LUZP2: variants seen among roughly 807,000 people sequenced by gnomAD.
LUZP2 encodes the protein leucine zipper protein 2.
LUZP2 carries 52 observed loss-of-function variants against 51.6 expected under a neutral mutation model. The observed-to-expected ratio is 1.01, with a 90% CI of 0.81 to 1.27. The LOEUF (loss-of-function observed/expected upper bound fraction) is 1.27, where lower values mean the gene tolerates loss of function less well. Among genes scored for constraint, LUZP2 ranks in the 50% most tolerant of loss-of-function variants. LUZP2 has a pLI of 0.00. For missense variants in LUZP2, 436 were observed against 395.4 expected, an observed-to-expected ratio of 1.10 and a Z score of -0.87; for synonymous variants, 154 against 137.3, an observed-to-expected ratio of 1.12 and a Z score of -0.85.
Position 24,611,406 on chromosome 11 carries a change from GCT to G in LUZP2, c.62+114102_62+114103del, listed in dbSNP as rs1470296698. On this transcript the variant is annotated intron_variant, in intron 1 of 11. Transcript: ENST00000336930. The surrounding 1 kb of genome is among the most constrained non-coding windows in gnomAD (Gnocchi z 4.6). ...ACCCCATTATATATACATACATACAGCTATATAAGATATATTTTGCACACTAA... is the reference window on the plus strand; with the variant it reads ...ACCCCATTATATATACATACATACAGATATAAGATATATTTTGCACACTAA... Among the ~76,000 whole-genome samples the G allele has an allele frequency of 2.0e-5, 3 of 151,976 alleles. No homozygotes were observed. Among genetic ancestry groups the G allele is most frequent in the African/African-American group, 7.3e-5 (3 of 41,370 alleles).
At chr11:25,011,156 ACAATAT>A (rs1856974538) in intron 9 of LUZP2, among the ~76,000 whole-genome samples, 1 of 152,136 alleles carries the variant, frequency 6.6e-6, no homozygotes, top group Admixed American at 6.6e-5. Context: ...AATTTTTAGC[ACAATAT>A]ATTGTGACTA....
At chr11:24,997,017 A>C (rs1315988940) in intron 9 of LUZP2, among the ~76,000 whole-genome samples, 3 of 149,620 alleles carry the variant, frequency 2.0e-5, no homozygotes, top group Non-Finnish European at 4.4e-5. Context: ...CCAGTCTATC[A>C]TTGTTGGACA....
At chr11:24,639,877 C>T (rs1590280219) in intron 1 of LUZP2, among the ~76,000 whole-genome samples, 1 of 150,528 alleles carries the variant, frequency 6.6e-6, no homozygotes, top group African/African-American at 2.5e-5. Context: ...TCCTCACTAC[C>T]CTGTGTGTCC....
intron 1 of LUZP2, among the ~76,000 whole-genome samples, chr11:24,638,151 C>G (rs898489169): frequency 2.6e-5 from 4 of 151,634 alleles, no homozygotes; most frequent in Admixed American, 2.6e-4. Context: ...TAGCCCATGA[C>G]AAAACAAAAC....
At chr11:24,785,385 A>C (rs1459107714) in intron 5 of LUZP2, among the ~76,000 whole-genome samples, 2 of 152,060 alleles carry the variant, frequency 1.3e-5, no homozygotes, top group Admixed American at 1.3e-4. Context: ...GTGTGTTAAA[A>C]AGGTATGCCA....
chr11:25,077,281 T>C, intron 10 of LUZP2, 48 bp from the exon 11 acceptor site: 1 of 1,396,354 alleles, frequency 7.2e-7, no homozygotes, highest in Non-Finnish European at 1.0e-6. Flanking sequence ...CCCCCTCCAC[T>C]TTCTTTCTTT....
At chr11:24,539,458 C>T (rs1303905265) in intron 1 of LUZP2, among the ~76,000 whole-genome samples, 1 of 151,908 alleles carries the variant, frequency 6.6e-6, no homozygotes, top group Non-Finnish European at 1.5e-5. Context: ...ATCTGATCTT[C>T]TCTAAGTACA....
chr11:24,500,912 C>T (rs886751680), intron 1 of LUZP2, among the ~76,000 whole-genome samples: 14 of 152,116 alleles, frequency 9.2e-5, no homozygotes, highest in African/African-American at 1.9e-4. Context: ...CTATTTGTTC[C>T]GTGAATTAAA....
chr11:24,765,438 C>T (rs1301968439), intron 5 of LUZP2, among the ~76,000 whole-genome samples: 1 of 152,014 alleles, frequency 6.6e-6, no homozygotes, highest in Non-Finnish European at 1.5e-5. Context: ...CCCTCCTATG[C>T]CTATTTTGTT....
At chr11:24,615,555 A>G (rs1448965344) in intron 1 of LUZP2, among the ~76,000 whole-genome samples, 1 of 151,996 alleles carries the variant, frequency 6.6e-6, no homozygotes, top group Non-Finnish European at 1.5e-5. Flanking sequence ...GTTGAAAGAT[A>G]TATGTTTTCT....
chr11:25,048,513 T>C (rs1367392577), intron 9 of LUZP2, among the ~76,000 whole-genome samples: 3 of 152,354 alleles, frequency 2.0e-5, no homozygotes, highest in South Asian at 2.1e-4. Flanking sequence ...TTGTCATCTT[T>C]GTATTTACCA....
chr11:24,720,637 G>A (rs540614820), intron 1 of LUZP2, among the ~76,000 whole-genome samples: 2 of 152,292 alleles, frequency 1.3e-5, no homozygotes, highest in East Asian at 3.9e-4. Context: ...CATGTTGGGA[G>A]CTTACTGCAA....
intron 9 of LUZP2, among the ~76,000 whole-genome samples, chr11:25,049,280 A>C: frequency 6.6e-6 from 1 of 152,176 alleles, no homozygotes. Context: ...GCCCTAAAAC[A>C]GTACCCTCAG....
rs1403626474 is a variant in LUZP2 at position 24,531,054 on chromosome 11, A to ATTATTATTATTATTATTATTATTG, written c.62+33760_62+33761insATTATTATTATTGTTATTATTATT. 4.2e-3 allele frequency among the ~76,000 whole-genome samples: 616 copies of ATTATTATTATTATTATTATTATTG among 147,036 alleles called. 6 individuals carry two copies. The highest frequency in any genetic ancestry group is 0.015 in the African/African-American group (583 of 39,426). On this transcript the variant is annotated intron_variant, in intron 1 of 11. Coordinates refer to ENST00000336930, the MANE Select transcript of LUZP2 (RefSeq NM_001009909.4). ...TTTAGCCTCTTTTATTATTATTATT[A>ATTATTATTATTATTATTATTATTG]TTATTATTATTTTGCCAGTGGAATT...
intron 7 of LUZP2, among the ~76,000 whole-genome samples, chr11:24,956,779 G>A (rs1245725522): frequency 6.6e-6 from 1 of 151,966 alleles, no homozygotes; most frequent in Non-Finnish European, 1.5e-5. Context: ...AGTGGGATTT[G>A]GTAGAGAAAT....
At chr11:24,724,604 G>T (rs1029811878) in intron 1 of LUZP2, among the ~76,000 whole-genome samples, 1 of 152,106 alleles carries the variant, frequency 6.6e-6, no homozygotes, top group African/African-American at 2.4e-5. Context: ...TAAATTAAAT[G>T]AAGTCAAGGA....
At chr11:24,839,001 T>C (rs1850941891) in intron 5 of LUZP2, among the ~76,000 whole-genome samples, 2 of 151,646 alleles carry the variant, frequency 1.3e-5, no homozygotes, top group South Asian at 4.1e-4. Context: ...CTAGGCACTT[T>C]ATACTTGGTA....
At position 24,571,961 on chromosome 11, in the gene LUZP2, C is replaced by A. The variant is rs562756024; in HGVS notation, c.62+74656C>A. On this transcript the variant is annotated intron_variant, in intron 1 of 11. Coordinates refer to ENST00000336930, the MANE Select transcript of LUZP2 (RefSeq NM_001009909.4). ...TTCCATATTTCTCTGTGAAATTGTG[C>A]AAGATTGTCTTATAATTTTATGCTA... Among the ~76,000 whole-genome samples the A allele has an allele frequency of 6.6e-5, 10 of 152,038 alleles. No individual in the cohort carries two copies. In the South Asian group the frequency reaches 1.5e-3, roughly 22 times the overall value.
intron 7 of LUZP2, among the ~76,000 whole-genome samples, chr11:24,937,492 G>A (rs983618212): frequency 1.1e-4 from 17 of 152,276 alleles, no homozygotes; most frequent in South Asian, 4.1e-4. Context: ...TTTTAGACAT[G>A]CTGAATTATC....
Sources: gnomAD v4.1 joint callset for allele counts (sites outside exome capture counted in the v4.1 genomes callset) on GRCh38, gnomAD v4.1.1 for gene constraint, Gnocchi (gnomAD v3.1) non-coding constraint, MANE v1.5 for transcripts, NCBI Gene and HGNC (gene_info 2026-07-23, HGNC 2026-07-21) for gene names.